KALRN: variants seen among roughly 807,000 people sequenced by gnomAD.
KALRN encodes kalirin RhoGEF kinase, also known as kalirin.
KALRN carries 70 observed loss-of-function variants against 353.7 expected under a neutral mutation model. The observed-to-expected ratio is 0.20, with a 90% CI of 0.16 to 0.24. KALRN has a LOEUF of 0.24. Among genes scored for constraint, KALRN ranks in the 10% least tolerant of loss-of-function variants. KALRN has a pLI of 1.00. For synonymous variants in KALRN, 1,391 were observed against 1,434.8 expected, an observed-to-expected ratio of 0.97 and a Z score of 0.69; for missense variants, 2,791 against 3,756.7, an observed-to-expected ratio of 0.74 and a Z score of 6.72.
intron 1 of KALRN, among the ~76,000 whole-genome samples, chr3:124,209,130 G>A (rs141642143): frequency 6.6e-6 from 1 of 152,044 alleles, no homozygotes; most frequent in South Asian, 2.1e-4. Flanking sequence ...TGAGTTTGGT[G>A]TTATTAGCCT....
intron 7 of KALRN, among the ~76,000 whole-genome samples, chr3:124,329,038 C>T (rs545342841): frequency 2.8e-4 from 42 of 152,214 alleles, no homozygotes; most frequent in Non-Finnish European, 4.3e-4. Flanking sequence ...TGCATCCAGA[C>T]GAGAGGAATC....
intron 33 of KALRN, among the ~76,000 whole-genome samples, chr3:124,512,312 C>T (rs1001045155): frequency 6.6e-6 from 1 of 152,202 alleles, no homozygotes; most frequent in South Asian, 2.1e-4. Flanking sequence ...TTTTTGCCCC[C>T]ACTTCCTATT....
intron 1 of KALRN, among the ~76,000 whole-genome samples, chr3:124,192,318 A>T (rs1332446758): frequency 6.6e-6 from 1 of 152,166 alleles, no homozygotes; most frequent in African/African-American, 2.4e-5. Flanking sequence ...GGGATCTAAA[A>T]ATCAAAACAA....
chr3:124,464,500 TA>T (rs2060141354), intron 25 of KALRN, among the ~76,000 whole-genome samples: 3 of 152,050 alleles, frequency 2.0e-5, no homozygotes, highest in Admixed American at 1.3e-4. Context: ...GAAATCCTTT[TA>T]AAAAATCAAA....
intron 1 of KALRN, among the ~76,000 whole-genome samples, chr3:124,124,283 C>T (rs181675025): frequency 2.0e-5 from 3 of 152,258 alleles, no homozygotes; most frequent in Admixed American, 1.3e-4. Context: ...GCAGAAGTAA[C>T]CACAGATGTG....
intron 1 of KALRN, among the ~76,000 whole-genome samples, chr3:124,120,968 C>T (rs1176099814): frequency 6.7e-6 from 1 of 149,896 alleles, no homozygotes; most frequent in Non-Finnish European, 1.5e-5. Flanking sequence ...GGTGGTGCAC[C>T]CTGTAATCCC....
At chr3:124,099,676 C>G (rs182197769) in intron 1 of KALRN, among the ~76,000 whole-genome samples, 6 of 152,304 alleles carry the variant, frequency 3.9e-5, no homozygotes, top group Non-Finnish European at 7.3e-5. Context: ...TACATTCCCA[C>G]CAGCAGTGTA....
rs951237081 is a variant in KALRN at position 124,516,778 on chromosome 3, G to GTTTC, written c.4935+20376_4935+20379dup. 2.7e-5 allele frequency among the ~76,000 whole-genome samples: 4 copies of GTTTC among 150,350 alleles called. No homozygotes were observed. The South Asian group carries it at 8.4e-4, about 32-fold the overall frequency. ...AATGTGATTTAAAATTCTTTTTTTT[G>GTTTC]TTTCTTTCTTTCTTGTTTTTTTTTT... On this transcript the variant is annotated intron_variant, in intron 33 of 59. Transcript: ENST00000682506.
chr3:124,363,689 C>T (rs1027256794), intron 10 of KALRN, among the ~76,000 whole-genome samples: 1 of 152,140 alleles, frequency 6.6e-6, no homozygotes, highest in African/African-American at 2.4e-5. Flanking sequence ...ATGTGCTGAC[C>T]AGTCTCTGAG....
At chr3:124,208,907 A>G (rs1387485991) in intron 1 of KALRN, among the ~76,000 whole-genome samples, 1 of 152,038 alleles carries the variant, frequency 6.6e-6, no homozygotes, top group Admixed American at 6.6e-5. Context: ...TCAAGGCTGC[A>G]GTGAGCCATG....
At chr3:124,046,189 A>T (rs1478669662) in intron 1 of KALRN, among the ~76,000 whole-genome samples, 1 of 152,214 alleles carries the variant, frequency 6.6e-6, no homozygotes, top group African/African-American at 2.4e-5. Flanking sequence ...AAAACTTTGA[A>T]TGTTTGAAAA....
At chr3:124,063,162 G>T (rs926143845) in intron 1 of KALRN, among the ~76,000 whole-genome samples, 5 of 152,216 alleles carry the variant, frequency 3.3e-5, no homozygotes, top group Non-Finnish European at 7.3e-5. Flanking sequence ...CAGGAGAGAA[G>T]AGCATGGAGG....
At chr3:124,678,992 GGA>G (rs1173702365) in intron 50 of KALRN, among the ~76,000 whole-genome samples, 5,018 of 151,964 alleles carry the variant, frequency 0.033, 298 homozygotes, top group African/African-American at 0.11. Flanking sequence ...ATGGACCAAT[GGA>G]CAATGGAAAC....
At chr3:124,312,609 T>C (rs180741507) in intron 6 of KALRN, among the ~76,000 whole-genome samples, 165 of 152,108 alleles carry the variant, frequency 1.1e-3, no homozygotes, top group African/African-American at 3.9e-3. Flanking sequence ...CATGACAGAG[T>C]GTGGACACCA....
At chr3:124,315,622 T>C (rs1280723308) in intron 6 of KALRN, among the ~76,000 whole-genome samples, 1 of 152,084 alleles carries the variant, frequency 6.6e-6, no homozygotes. Context: ...CTATTTGCTG[T>C]ATCCTCTCGG....
In KALRN at chr3:124,384,608, G is replaced by A. The variant is rs2087912417; in HGVS notation, c.1771-237G>A. On this transcript the variant is annotated intron_variant, in intron 10 of 59. Transcript: ENST00000682506. ...TACGCTCTCCCCACTTCTTTCCAGG[G>A]ACACTGCACCTCTGAGAAATCCCAG... The A allele has an allele frequency of 2.9e-5, 12 of 415,070 alleles. No homozygotes were observed. In the East Asian group the frequency reaches 4.4e-4, roughly 15 times the overall value. The allele number at this position is 415,070 out of a possible 1,614,324, so 25.7% of individuals were successfully genotyped here. A position where few individuals can be genotyped will look rare whatever the true frequency, so the allele number is the denominator to read the frequency against.
At chr3:124,518,967 G>A in intron 33 of KALRN, 1 of 990,352 alleles carries the variant, frequency 1.0e-6, no homozygotes. Context: ...TGAGAAAGAG[G>A]GAAGAAGAAG....
intron 5 of KALRN, among the ~76,000 whole-genome samples, chr3:124,294,895 C>A (rs1422825631): frequency 2.6e-5 from 4 of 152,192 alleles, no homozygotes; most frequent in African/African-American, 9.7e-5. Context: ...ATTCTGCAAA[C>A]CACTATCTCT....
At chr3:124,158,169 C>G (rs1645349685) in intron 1 of KALRN, among the ~76,000 whole-genome samples, 1 of 152,206 alleles carries the variant, frequency 6.6e-6, no homozygotes, top group African/African-American at 2.4e-5. Context: ...ACCCCACCCT[C>G]TGCTCCTGAA....
Sources: allele counts gnomAD v4.1 joint callset (sites outside exome capture counted in the v4.1 genomes callset), GRCh38; gene constraint gnomAD v4.1.1; transcripts MANE v1.5; gene names NCBI Gene and HGNC (gene_info 2026-07-23, HGNC 2026-07-21).